The following BMP2 variants were observed in gnomAD, a reference collection of about 807,000 sequenced individuals.
BMP2 encodes bone morphogenetic protein 2A.
BMP2 carries 2 observed loss-of-function variants against 28.8 expected under a neutral mutation model. That is an observed-to-expected ratio of 0.07 (90% confidence interval 0.03 to 0.22). The LOEUF (loss-of-function observed/expected upper bound fraction) is 0.22. Ranked by LOEUF, BMP2 falls within the 10% of genes least tolerant of loss-of-function variation. The probability of loss-of-function intolerance (pLI) is 1.00; values close to 1 mark genes in which losing one functional copy is unlikely to be tolerated. For synonymous variants in BMP2, 218 were observed against 204.3 expected, an observed-to-expected ratio of 1.07 and a Z score of -0.57; for missense variants, 437 against 517.7, an observed-to-expected ratio of 0.84 and a Z score of 1.51.
intron 2 of BMP2, among the ~76,000 whole-genome samples, chr20:6,773,660 C>G (rs552643060): frequency 3.3e-5 from 5 of 152,246 alleles, no homozygotes; most frequent in South Asian, 2.1e-4. Flanking sequence ...CAACCATGCT[C>G]TCTATTCCTT....
chr20:6,772,339 A>G (rs564819788), intron 2 of BMP2, among the ~76,000 whole-genome samples: 6 of 152,234 alleles, frequency 3.9e-5, no homozygotes, highest in African/African-American at 1.4e-4. Context: ...TCAACTTGTA[A>G]TAACTTCAGG....
Position 6,770,346 on chromosome 20 carries a change from G to C in BMP2, c.220G>C (p.Val74Leu). ...GAGACCCACCCCCAGCAGGGACGCC[G>C]TGGTGCCCCCCTACATGCTAGACCT... Reference protein sequence around the residue: ...KQRPTPSRDAVVPPYMLDLYR... With the variant: ...KQRPTPSRDALVPPYMLDLYR... Residue 74 changes from valine to leucine, a missense_variant, in exon 2 of 3, where the codon GTG becomes CTG. Coordinates refer to ENST00000378827, the MANE Select transcript of BMP2 (RefSeq NM_001200.4). The C allele has an allele frequency of 6.2e-7, 1 of 1,613,472 alleles. No individual in the cohort carries two copies. The highest frequency in any genetic ancestry group is 8.5e-7 in the Non-Finnish European group (1 of 1,179,956).
Position 6,768,517 on chromosome 20 carries a change from ACTC to A in BMP2, c.-361_-359del, listed in dbSNP as rs1168014158. 60 of 390,006 alleles carry A rather than the reference ACTC, an allele frequency of 1.5e-4. No homozygotes were observed. In the East Asian group the frequency reaches 2.2e-3, roughly 14 times the overall value. 24.2% of individuals were successfully genotyped at this position (390,006 alleles called of 1,614,324 possible). A position where few individuals can be genotyped will look rare whatever the true frequency, so the allele number is the denominator to read the frequency against. Reference sequence around the variant, plus strand: ...TTCTCCCTTCCCTTCCCTGCCCCGCACTCCTCCCCCTGCTCGCTGTTGTTGTGT... The same window carrying A: ...TTCTCCCTTCCCTTCCCTGCCCCGCACTCCCCCTGCTCGCTGTTGTTGTGT... On this transcript the variant is annotated 5_prime_UTR_variant, in exon 1 of 3. Transcript: ENST00000378827.
rs1210852145 is a variant in BMP2 at position 6,768,475 on chromosome 20, C to G, written c.-408C>G. On this transcript the variant is annotated 5_prime_UTR_variant, in exon 1 of 3. Coordinates refer to ENST00000378827, the MANE Select transcript of BMP2 (RefSeq NM_001200.4). ...GGGCGCTGGTTCCTAAGGAGGACGACAGCACCAGCTTCTCCTTTCTCCCTT... is the reference window on the plus strand; with the variant it reads ...GGGCGCTGGTTCCTAAGGAGGACGAGAGCACCAGCTTCTCCTTTCTCCCTT... 2.5e-6 allele frequency: 1 copy of G among 393,142 alleles called. No individual in the cohort carries two copies. The highest frequency in any genetic ancestry group is 4.4e-5 in the Admixed American group (1 of 22,516). 24.4% of individuals were successfully genotyped at this position (393,142 alleles called of 1,614,324 possible). A position where few individuals can be genotyped will look rare whatever the true frequency, so the allele number is the denominator to read the frequency against.
In BMP2 at chr20:6,779,049, A is replaced by G. The variant is rs140326695; in HGVS notation, c.1151A>G (p.Asn384Ser). 6 of 1,612,536 alleles carry G rather than the reference A, an allele frequency of 3.7e-6. No individual in the cohort carries two copies. In the African/African-American group the frequency reaches 8.0e-5, roughly 22 times the overall value. Reference sequence around the variant, plus strand: ...GAGAATGAAAAGGTTGTATTAAAGAACTATCAGGACATGGTTGTGGAGGGT... The same window carrying G: ...GAGAATGAAAAGGTTGTATTAAAGAGCTATCAGGACATGGTTGTGGAGGGT... ...LDENEKVVLK[N>S]YQDMVVEGCG... The change falls in exon 3 of 3, where the codon AAC becomes AGC. Residue 384 changes from asparagine to serine, a missense_variant. Coordinates refer to ENST00000378827, the MANE Select transcript of BMP2 (RefSeq NM_001200.4).
chr20:6,778,179 T>C lies in BMP2; in HGVS notation c.347-66T>C, dbSNP rs1986538076. 1.1e-5 allele frequency: 17 copies of C among 1,521,228 alleles called. No homozygotes were observed. In the South Asian group the frequency reaches 2.2e-4, roughly 20 times the overall value. 94.2% of individuals were successfully genotyped at this position (1,521,228 alleles called of 1,614,324 possible). On this transcript the variant is annotated intron_variant, in intron 2 of 2. Coordinates refer to ENST00000378827, the MANE Select transcript of BMP2 (RefSeq NM_001200.4). This position sits in a 1 kb window ranked among gnomAD's most constrained non-coding sequence, Gnocchi z 5.0. ...AAAAATTCTCATAGATAATCAAACG[T>C]CATTACTTGGCTTACTGAAATTCAG...
In BMP2 at chr20:6,778,716, G is replaced by A; in HGVS notation, c.818G>A (p.Gly273Glu). 1 of 1,614,122 alleles carries A rather than the reference G, an allele frequency of 6.2e-7. No individual in the cohort carries two copies. The highest frequency in any genetic ancestry group is 2.2e-5 in the East Asian group (1 of 44,882). The change falls in exon 3 of 3, where the codon GGG becomes GAG. Residue 273 changes from glycine to glutamate, a missense_variant. Gly to Glu is a moderately conservative substitution (Grantham distance 98). Transcript: ENST00000378827. This position sits in a 1 kb window ranked among gnomAD's most constrained non-coding sequence, Gnocchi z 5.0. Reference protein sequence around the residue: ...LLVTFGHDGKGHPLHKREKRQ... With the variant: ...LLVTFGHDGKEHPLHKREKRQ... ...GTAACTTTTGGCCATGATGGAAAAGGGCATCCTCTCCACAAAAGAGAAAAA... is the reference window on the plus strand; with the variant it reads ...GTAACTTTTGGCCATGATGGAAAAGAGCATCCTCTCCACAAAAGAGAAAAA...
At chr20:6,775,681 G>A (rs887314786) in intron 2 of BMP2, among the ~76,000 whole-genome samples, 17 of 151,934 alleles carry the variant, frequency 1.1e-4, no homozygotes, top group African/African-American at 3.9e-4. Flanking sequence ...TTTTTTGGGA[G>A]GTTATTATTC....
intron 2 of BMP2, among the ~76,000 whole-genome samples, chr20:6,772,692 G>A (rs1214312016): frequency 1.3e-5 from 2 of 152,110 alleles, no homozygotes; most frequent in African/African-American, 4.8e-5. Flanking sequence ...AGGTGTGATC[G>A]AATGGTTTGG....
At chr20:6,777,513 C>T (rs966324121) in intron 2 of BMP2, among the ~76,000 whole-genome samples, 10 of 152,018 alleles carry the variant, frequency 6.6e-5, no homozygotes, top group African/African-American at 2.4e-4. Flanking sequence ...TATTTGAGGT[C>T]ATAAAGAGGT....
chr20:6,778,940 T>C lies in BMP2; in HGVS notation c.1042T>C (p.Leu348=), dbSNP rs1322296733. ...CACTAATCATGCCATTGTTCAGACG[T>C]TGGTCAACTCTGTTAACTCTAAGAT... The part of the protein sequence containing the change: ...NSTNHAIVQT[L]VNSVNSKIPK... The change falls in exon 3 of 3, where the codon TTG becomes CTG. Residue 348 remains leucine, a synonymous_variant. Transcript: ENST00000378827. The surrounding 1 kb of genome is among the most constrained non-coding windows in gnomAD (Gnocchi z 5.0). 5 of 1,613,858 alleles carry C rather than the reference T, an allele frequency of 3.1e-6. No homozygotes were observed. Among genetic ancestry groups the C allele is most frequent in the African/African-American group, 2.7e-5 (2 of 74,858 alleles).
Position 6,778,140 on chromosome 20 carries a change from C to T in BMP2, c.347-105C>T. ...ACTTTTACATGGGTTACATCAAATC[C>T]CACGATGAGGTTTAAAAATTCTCAT... On this transcript the variant is annotated intron_variant, in intron 2 of 2. Transcript: ENST00000378827. The surrounding 1 kb of genome is among the most constrained non-coding windows in gnomAD (Gnocchi z 5.0). 6.8e-7 allele frequency: 1 copy of T among 1,475,676 alleles called. No homozygotes were observed. Among genetic ancestry groups the T allele is most frequent in the Non-Finnish European group, 9.0e-7 (1 of 1,105,980 alleles). The allele number at this position is 1,475,676 out of a possible 1,614,324, so 91.4% of individuals were successfully genotyped here. A position where few individuals can be genotyped will look rare whatever the true frequency, so the allele number is the denominator to read the frequency against.
chr20:6,776,570 A>C (rs1478620504), intron 2 of BMP2, among the ~76,000 whole-genome samples: 1 of 152,240 alleles, frequency 6.6e-6, no homozygotes, highest in East Asian at 1.9e-4. Flanking sequence ...CAGTTCCCAG[A>C]ATCCCCTCCT....
In BMP2 at chr20:6,778,987, G is replaced by C. The variant is rs146731183; in HGVS notation, c.1089G>C (p.Pro363=). The part of the protein sequence containing the change: ...NSKIPKACCV[P]TELSAISMLY... ...AGATTCCTAAGGCATGCTGTGTCCC[G>C]ACAGAACTCAGTGCTATCTCGATGC... The change falls in exon 3 of 3, where the codon CCG becomes CCC. Residue 363 remains proline (P), a synonymous_variant. Transcript: ENST00000378827. This position sits in a 1 kb window ranked among gnomAD's most constrained non-coding sequence, Gnocchi z 5.0. 2 of 1,613,684 alleles carry C rather than the reference G, an allele frequency of 1.2e-6. No individual in the cohort carries two copies. The highest frequency in any genetic ancestry group is 8.5e-7 in the Non-Finnish European group (1 of 1,179,962).
chr20:6,770,150 T>C lies in BMP2; in HGVS notation c.24T>C (p.Leu8=), dbSNP rs919924297. 2 of 1,562,244 alleles carry C rather than the reference T, an allele frequency of 1.3e-6. No individual in the cohort carries two copies. The highest frequency in any genetic ancestry group is 1.7e-6 in the Non-Finnish European group (2 of 1,154,484). MVAGTRC[L]LALLLPQVLL... ...CCATGGTGGCCGGGACCCGCTGTCT[T>C]CTAGCGTTGCTGCTTCCCCAGGTCC... is the stretch of plus-strand genomic sequence containing the variant. Residue 8 remains leucine, a synonymous_variant, in exon 2 of 3, where the codon CTT becomes CTC. Transcript: ENST00000378827.
At chr20:6,777,628 C>T (rs1600172840) in intron 2 of BMP2, among the ~76,000 whole-genome samples, 1 of 152,240 alleles carries the variant, frequency 6.6e-6, no homozygotes, top group South Asian at 2.1e-4. Flanking sequence ...AAGTAGATCC[C>T]TGTAAATGCC....
rs1360955611 is a variant in BMP2 at position 6,770,138 on chromosome 20, G to C, written c.12G>C (p.Gly4=). The change falls in exon 2 of 3, where the codon GGG becomes GGC. Residue 4 remains glycine, a synonymous_variant. Transcript: ENST00000378827. The part of the protein sequence containing the change: MVA[G]TRCLLALLLP... ...TCCGCAGGTCGACCATGGTGGCCGG[G>C]ACCCGCTGTCTTCTAGCGTTGCTGC... 1 of 1,549,770 alleles carries C rather than the reference G, an allele frequency of 6.5e-7. No homozygotes were observed. The highest frequency in any genetic ancestry group is 1.4e-5 in the African/African-American group (1 of 73,402).
In BMP2 at chr20:6,778,323, A is replaced by T; in HGVS notation, c.425A>T (p.Glu142Val). The change falls in exon 3 of 3, where the codon GAG becomes GTG. Residue 142 changes from glutamate to valine, a missense_variant. Coordinates refer to ENST00000378827, the MANE Select transcript of BMP2 (RefSeq NM_001200.4). This position sits in a 1 kb window ranked among gnomAD's most constrained non-coding sequence, Gnocchi z 5.0. ...TTTAATTTAAGTTCTATCCCCACGGAGGAGTTTATCACCTCAGCAGAGCTT... is the reference window on the plus strand; with the variant it reads ...TTTAATTTAAGTTCTATCCCCACGGTGGAGTTTATCACCTCAGCAGAGCTT... Reference protein sequence around the residue: ...FFFNLSSIPTEEFITSAELQV... With the variant: ...FFFNLSSIPTVEFITSAELQV... 6.2e-7 allele frequency: 1 copy of T among 1,614,222 alleles called. No individual in the cohort carries two copies. Among genetic ancestry groups the T allele is most frequent in the Non-Finnish European group, 8.5e-7 (1 of 1,180,020 alleles).
Position 6,778,793 on chromosome 20 carries a change from C to T in BMP2, c.895C>T (p.His299Tyr). The T allele has an allele frequency of 1.9e-6, 3 of 1,614,210 alleles. 1 individual carries two copies. The highest frequency in any genetic ancestry group is 2.5e-6 in the Non-Finnish European group (3 of 1,180,042). ...ACGCCTTAAGTCCAGCTGTAAGAGA[C>T]ACCCTTTGTACGTGGACTTCAGTGA... ...RKRLKSSCKR[H>Y]PLYVDFSDVG... is the part of the protein sequence containing the mutation. The change falls in exon 3 of 3, where the codon CAC becomes TAC. Residue 299 changes from histidine (H) to tyrosine (Y), a missense_variant. By Grantham distance (83) the His-to-Tyr change is moderately conservative (BLOSUM62 2). Transcript: ENST00000378827. The surrounding 1 kb of genome is among the most constrained non-coding windows in gnomAD (Gnocchi z 5.0).
Sources: gnomAD v4.1 joint callset for allele counts (sites outside exome capture counted in the v4.1 genomes callset) on GRCh38, gnomAD v4.1.1 for gene constraint, Gnocchi (gnomAD v3.1) non-coding constraint, MANE v1.5 for transcripts, NCBI Gene and HGNC (gene_info 2026-07-23, HGNC 2026-07-21) for gene names.